The following RGPD2 variants were observed in gnomAD, a reference collection of about 807,000 sequenced individuals.
The protein encoded by RGPD2 is RANBP2-like and GRIP domain-containing protein 2.
In RGPD2, 2 loss-of-function variants were observed where a neutral mutation model predicts 36.0. The observed-to-expected ratio is 0.06, with a 90% CI of 0.02 to 0.17. The LOEUF is 0.17. Among genes scored for constraint, RGPD2 ranks in the 10% least tolerant of loss-of-function variants. The probability of loss-of-function intolerance (pLI) is 1.00; values close to 1 mark genes in which losing one functional copy is unlikely to be tolerated. For missense variants in RGPD2, 40 were observed against 464.3 expected (o/e 0.09, Z 8.40); for synonymous variants, 19 against 163.8 (o/e 0.12, Z 6.75).
At chr2:87,943,497 G>T in the RGPD2 span, among the ~76,000 whole-genome samples, 12 of 151,526 alleles carry the variant, frequency 7.9e-5, no homozygotes, top group Non-Finnish European at 1.8e-4. Context: ...TTGTTTGTTT[G>T]TTTTGCTTTT....
chr2:87,824,634 C>T (rs543060325), intron 1 of RGPD2, among the ~76,000 whole-genome samples: 1 of 151,062 alleles, frequency 6.6e-6, no homozygotes, highest in South Asian at 2.1e-4. Flanking sequence ...CGTTGAAATC[C>T]CCAGGTTCTA....
chr2:87,761,246 A>G (rs1211630519), intron 22 of RGPD2, among the ~76,000 whole-genome samples: 1 of 8,692 alleles, frequency 1.2e-4, no homozygotes, highest in Non-Finnish European at 2.8e-4. Context: ...CCATTTTTAC[A>G]TTAGAGCCCC....
chr2:87,857,573 A>G, the RGPD2 span, among the ~76,000 whole-genome samples: 33 of 150,896 alleles, frequency 2.2e-4, no homozygotes, highest in African/African-American at 8.0e-4. Flanking sequence ...CGATCTCCTG[A>G]CCTTGTGATC....
the RGPD2 span, among the ~76,000 whole-genome samples, chr2:87,871,623 T>C: frequency 6.6e-6 from 1 of 151,822 alleles, no homozygotes; most frequent in Non-Finnish European, 1.5e-5. Context: ...CCCAGCACTT[T>C]GGGAGGCCAA....
chr2:87,988,755 G>C, the RGPD2 span, among the ~76,000 whole-genome samples: 1 of 151,542 alleles, frequency 6.6e-6, no homozygotes, highest in Non-Finnish European at 1.5e-5. Context: ...TGGCCAGGCT[G>C]GTCTCGAACT....
At chr2:87,854,202 G>T in the RGPD2 span, among the ~76,000 whole-genome samples, 3 of 121,328 alleles carry the variant, frequency 2.5e-5, no homozygotes, top group African/African-American at 6.5e-5. Context: ...TCTGCCTCCC[G>T]GGTTCAAGCG....
chr2:87,985,695 A>G, the RGPD2 span: 1 of 1,498,524 alleles, frequency 6.7e-7, no homozygotes, highest in African/African-American at 1.4e-5. Context: ...TTAACAGAAT[A>G]ACTCATAAAG....
At chr2:87,986,795 A>G in the RGPD2 span, among the ~76,000 whole-genome samples, 10 of 150,868 alleles carry the variant, frequency 6.6e-5, no homozygotes, top group Admixed American at 2.6e-4. Context: ...CAGGAGAATC[A>G]CCTGAACCCG....
chr2:87,825,528 A>AGGCCGAGGCCGCCGCCC (rs1686735565), intron 1 of RGPD2, 130 bp downstream of exon 1: 9 of 337,272 alleles, frequency 2.7e-5, no homozygotes, highest in Non-Finnish European at 2.7e-5. Context: ...CGCCCGGCCG[A>AGGCCGAGGCCGCCGCCC]GGCCGAGGCC....
chr2:87,957,235 C>CTGG, the RGPD2 span, among the ~76,000 whole-genome samples: 2 of 22,346 alleles, frequency 9.0e-5, no homozygotes, highest in African/African-American at 1.5e-4. Context: ...GACAAGGTCA[C>CTGG]TGGGGGGGGG....
At chr2:87,912,726 C>G in the RGPD2 span, among the ~76,000 whole-genome samples, 1 of 87,232 alleles carries the variant, frequency 1.1e-5, no homozygotes, top group Non-Finnish European at 2.3e-5. Context: ...GGATCCACTC[C>G]TTGTGATTAG....
chr2:87,887,249 G>T, the RGPD2 span, among the ~76,000 whole-genome samples: 1,606 of 151,856 alleles, frequency 0.011, 16 homozygotes, highest in Non-Finnish European at 0.015. Context: ...GAGCCAATTA[G>T]ATTTGTCAGT....
the RGPD2 span, among the ~76,000 whole-genome samples, chr2:87,917,594 T>A: frequency 4.9e-5 from 2 of 40,898 alleles, no homozygotes; most frequent in East Asian, 9.0e-4. Context: ...CAAGACATGG[T>A]GGTGACTTAC....
the RGPD2 span, among the ~76,000 whole-genome samples, chr2:87,870,416 C>T: frequency 6.6e-6 from 1 of 152,202 alleles, no homozygotes; most frequent in African/African-American, 2.4e-5. Flanking sequence ...AACTGGAGAC[C>T]GTCTTTATAC....
At chr2:87,867,389 G>A in the RGPD2 span, among the ~76,000 whole-genome samples, 65 of 148,076 alleles carry the variant, frequency 4.4e-4, no homozygotes, top group African/African-American at 1.6e-3. Flanking sequence ...AACACAGTTG[G>A]ATTGTTTGTA....
the RGPD2 span, among the ~76,000 whole-genome samples, chr2:87,846,542 A>T: frequency 6.6e-6 from 1 of 152,124 alleles, no homozygotes; most frequent in Non-Finnish European, 1.5e-5. Context: ...AATATGTATA[A>T]ATATTTCTCA....
chr2:87,879,202 A>G, the RGPD2 span, among the ~76,000 whole-genome samples: 4 of 152,022 alleles, frequency 2.6e-5, no homozygotes, highest in East Asian at 3.9e-4. Flanking sequence ...TATAGGGTAC[A>G]TAAGATACTT....
At chr2:87,988,541 A>ATATATATATATATATATATATATAT in the RGPD2 span, among the ~76,000 whole-genome samples, 17 of 54,130 alleles carry the variant, frequency 3.1e-4, no homozygotes, top group South Asian at 1.1e-3. Flanking sequence ...ATATATATAT[A>ATATATATATATATATATATATATAT]TTTTTTTTTT....
chr2:87,912,870 C>G, the RGPD2 span, among the ~76,000 whole-genome samples: 1 of 131,360 alleles, frequency 7.6e-6, no homozygotes, highest in Non-Finnish European at 1.6e-5. Flanking sequence ...TACATGAACC[C>G]TTTACAAAAA....
Sources: gnomAD v4.1 joint callset for allele counts (sites outside exome capture counted in the v4.1 genomes callset) on GRCh38, gnomAD v4.1.1 for gene constraint, MANE v1.5 for transcripts, NCBI Gene and HGNC (gene_info 2026-07-23, HGNC 2026-07-21) for gene names.